Variants in TEK observed in about 807,000 individuals in gnomAD.
TEK encodes TEK receptor tyrosine kinase, also known as angiopoietin-1 receptor.
In TEK, 43 loss-of-function variants were observed where a neutral mutation model predicts 131.8. The ratio of observed to expected loss-of-function variants is 0.33; its 90% CI spans 0.26 to 0.42. The LOEUF (loss-of-function observed/expected upper bound fraction) is 0.42, where lower values mean the gene tolerates loss of function less well. TEK is among the 10% of genes least tolerant of loss of function. The pLI is 1.00. For synonymous variants in TEK, 580 were observed against 491.6 expected (o/e 1.18, Z -2.38); for missense variants, 1,162 against 1,384.4 (o/e 0.84, Z 2.55).
intron 1 of TEK, among the ~76,000 whole-genome samples, chr9:27,135,272 G>T (rs537054222): frequency 2.7e-4 from 41 of 150,694 alleles, no homozygotes; most frequent in African/African-American, 7.6e-4. Context: ...TTTTTGAGCT[G>T]GTTGGCATTC....
At position 27,133,954 on chromosome 9, in the gene TEK, G is replaced by A. The variant is rs550772195; in HGVS notation, c.53-23877G>A. ...AGTGATGGATAGGTGTCCTGTGTGA[G>A]GAGTTACTGGCCAAGCCAATAGTCG... On this transcript the variant is annotated intron_variant, in intron 1 of 22. Transcript: ENST00000380036. 9.2e-5 allele frequency among the ~76,000 whole-genome samples: 14 copies of A among 152,348 alleles called. No homozygotes were observed. The East Asian group carries it at 2.7e-3, about 29-fold the overall frequency.
chr9:27,119,283 A>G (rs1326656109), intron 1 of TEK, among the ~76,000 whole-genome samples: 1 of 152,222 alleles, frequency 6.6e-6, no homozygotes, highest in Non-Finnish European at 1.5e-5. Context: ...AAATGAAGGT[A>G]ACAGCATTTC....
chr9:27,159,957 G>A (rs911440252), intron 2 of TEK, among the ~76,000 whole-genome samples: 1 of 148,784 alleles, frequency 6.7e-6, no homozygotes, highest in Non-Finnish European at 1.5e-5. Flanking sequence ...CACAGGAGCT[G>A]TGGACTGAGG....
intron 16 of TEK, 70 bp from the exon 17 acceptor site, chr9:27,212,637 C>A: frequency 6.4e-7 from 1 of 1,555,402 alleles, no homozygotes; most frequent in Non-Finnish European, 8.9e-7. Context: ...GCAATTTCCA[C>A]AGCACATCTC....
chr9:27,134,767 A>C (rs537976506), intron 1 of TEK, among the ~76,000 whole-genome samples: 1 of 152,302 alleles, frequency 6.6e-6, no homozygotes, highest in Admixed American at 6.5e-5. Context: ...CCCTACTAGA[A>C]GTCAAGTCCA....
At chr9:27,195,958 G>A (rs1342385932) in intron 11 of TEK, among the ~76,000 whole-genome samples, 1 of 152,200 alleles carries the variant, frequency 6.6e-6, no homozygotes, top group African/African-American at 2.4e-5. Flanking sequence ...TTATGGCCAG[G>A]CATCACGTAG....
intron 1 of TEK, among the ~76,000 whole-genome samples, chr9:27,139,610 C>T (rs1298716140): frequency 1.3e-5 from 2 of 152,044 alleles, no homozygotes; most frequent in African/African-American, 2.4e-5. Flanking sequence ...AGGCGTGAGA[C>T]ACCATGCCTG....
At chr9:27,136,085 A>ATTTTTTTTTTTTT (rs36023271) in intron 1 of TEK, among the ~76,000 whole-genome samples, 1 of 137,022 alleles carries the variant, frequency 7.3e-6, no homozygotes. Context: ...CAGGGCAGTT[A>ATTTTTTTTTTTTT]TTTTTTTTTT....
intron 6 of TEK, among the ~76,000 whole-genome samples, chr9:27,177,653 G>C (rs1824219807): frequency 6.6e-6 from 1 of 152,210 alleles, no homozygotes; most frequent in South Asian, 2.1e-4. Context: ...GGGGGGCTGA[G>C]GCAGGAGAAT....
At position 27,166,141 on chromosome 9, in the gene TEK, T is replaced by C. The variant is rs369993587; in HGVS notation, c.365-2354T>C. 7.9e-5 allele frequency among the ~76,000 whole-genome samples: 12 copies of C among 152,374 alleles called. No homozygotes were observed. In the East Asian group the frequency reaches 1.9e-3, roughly 24 times the overall value. Reference sequence around the variant, plus strand: ...TCCCAAGGCTTGGTCCTGGTCTGAATCTTTATAGGAATTCTTACTTTGGGG... The same window carrying C: ...TCCCAAGGCTTGGTCCTGGTCTGAACCTTTATAGGAATTCTTACTTTGGGG... On this transcript the variant is annotated intron_variant, in intron 2 of 22. Coordinates refer to ENST00000380036, the MANE Select transcript of TEK (RefSeq NM_000459.5).
At chr9:27,217,014 G>C (rs587800) in intron 18 of TEK, among the ~76,000 whole-genome samples, 130,142 of 152,246 alleles carry the variant, frequency 0.85, 55,896 homozygotes, top group East Asian at 1. Context: ...AGGCACATCT[G>C]ATTTTGCCTA....
chr9:27,174,036 A>C (rs1442851220), intron 6 of TEK, among the ~76,000 whole-genome samples: 1 of 152,126 alleles, frequency 6.6e-6, no homozygotes. Flanking sequence ...TTATGCAAGT[A>C]GTACTAACAT....
intron 6 of TEK, among the ~76,000 whole-genome samples, chr9:27,177,848 A>T (rs1025665030): frequency 1.2e-4 from 19 of 152,172 alleles, no homozygotes; most frequent in African/African-American, 4.6e-4. Flanking sequence ...CGTTCCTTAT[A>T]TATTCTGGAT....
At chr9:27,164,848 T>A (rs1107774) in intron 2 of TEK, among the ~76,000 whole-genome samples, 1 of 151,942 alleles carries the variant, frequency 6.6e-6, no homozygotes, top group South Asian at 2.1e-4. Context: ...ACAATTAAAT[T>A]TGTGTAAAGT....
At chr9:27,120,312 A>G (rs753180659) in intron 1 of TEK, among the ~76,000 whole-genome samples, 1 of 152,256 alleles carries the variant, frequency 6.6e-6, no homozygotes, top group Non-Finnish European at 1.5e-5. Context: ...TCTTTCTAGC[A>G]TGCCCTTGTC....
chr9:27,157,734 C>A, intron 1 of TEK, 97 bp from the exon 2 acceptor site: 1 of 1,391,458 alleles, frequency 7.2e-7, no homozygotes, highest in Non-Finnish European at 1.0e-6. Context: ...AAAGAATCCT[C>A]ACACAACTTT....
In TEK at chr9:27,166,322, T is replaced by A. The variant is rs143852616; in HGVS notation, c.365-2173T>A. Among the ~76,000 whole-genome samples the A allele has an allele frequency of 5.9e-5, 9 of 152,362 alleles. No homozygotes were observed. In the East Asian group the frequency reaches 7.7e-4, roughly 13 times the overall value. ...AAGGGGTTAATGAATATTCAACAGATCTCTAATAGTGTTATTAAAATCTTC... is the reference window on the plus strand; with the variant it reads ...AAGGGGTTAATGAATATTCAACAGAACTCTAATAGTGTTATTAAAATCTTC... On this transcript the variant is annotated intron_variant, in intron 2 of 22. Coordinates refer to ENST00000380036, the MANE Select transcript of TEK (RefSeq NM_000459.5).
chr9:27,152,297 T>C (rs1823155392), intron 1 of TEK, among the ~76,000 whole-genome samples: 1 of 152,096 alleles, frequency 6.6e-6, no homozygotes, highest in South Asian at 2.1e-4. Context: ...AAGCCTGCGA[T>C]GCAATAATTT....
At chr9:27,220,689 TG>T (rs1826028978) in intron 21 of TEK, among the ~76,000 whole-genome samples, 1 of 152,166 alleles carries the variant, frequency 6.6e-6, no homozygotes, top group Non-Finnish European at 1.5e-5. Flanking sequence ...CGCAAGGGGT[TG>T]GGGAACTCCC....
Sources: allele counts gnomAD v4.1 joint callset (sites outside exome capture counted in the v4.1 genomes callset), GRCh38; gene constraint gnomAD v4.1.1; transcripts MANE v1.5; gene names NCBI Gene and HGNC (gene_info 2026-07-23, HGNC 2026-07-21).